The following STK32B variants were observed in gnomAD, a reference collection of about 807,000 sequenced individuals.
STK32B encodes the protein serine/threonine-protein kinase 32B.
In STK32B, 43 loss-of-function variants were observed where a neutral mutation model predicts 52.6. The observed-to-expected ratio is 0.82, with a 90% CI of 0.64 to 1.05. STK32B has a LOEUF of 1.05. Among genes scored for constraint, STK32B ranks in the 50% least tolerant of loss-of-function variants. STK32B has a pLI of 0.00. For missense variants in STK32B, 621 were observed against 534.6 expected (o/e 1.16, Z -1.59); for synonymous variants, 238 against 204.3 (o/e 1.17, Z -1.41).
intron 5 of STK32B, among the ~76,000 whole-genome samples, chr4:5,403,344 G>A (rs1051192027): frequency 1.3e-5 from 2 of 152,116 alleles, no homozygotes; most frequent in African/African-American, 4.8e-5. Context: ...AAATTACTCA[G>A]ACCAGTCAAT....
chr4:5,350,174 C>A (rs367853946), intron 4 of STK32B, among the ~76,000 whole-genome samples: 49 of 151,804 alleles, frequency 3.2e-4, no homozygotes, highest in African/African-American at 1.1e-3. Flanking sequence ...ACATTCTAGT[C>A]AAAATGTCAA....
chr4:5,151,053 A>T (rs1473839394), intron 2 of STK32B, among the ~76,000 whole-genome samples: 1 of 152,164 alleles, frequency 6.6e-6, no homozygotes, highest in Non-Finnish European at 1.5e-5. Context: ...TTTCAAATTG[A>T]CTATAGCCTG....
chr4:5,034,763 G>T, the STK32B span, among the ~76,000 whole-genome samples: 3 of 152,146 alleles, frequency 2.0e-5, no homozygotes, highest in African/African-American at 7.2e-5. Flanking sequence ...AAATCAATCA[G>T]GTAGGCTGGA....
intron 6 of STK32B, 24 bp downstream of exon 6, chr4:5,416,958 T>G: frequency 6.3e-7 from 1 of 1,598,402 alleles, no homozygotes; most frequent in Non-Finnish European, 8.5e-7. Flanking sequence ...GCCCCTTCTT[T>G]TCATGTGATC....
chr4:5,051,522 G>A lies in STK32B; in HGVS notation c.-342G>A. 3.1e-6 allele frequency: 1 copy of A among 324,274 alleles called. No individual in the cohort carries two copies. The highest frequency in any genetic ancestry group is 5.3e-5 in the Admixed American group (1 of 18,976). 20.1% of individuals were successfully genotyped at this position (324,274 alleles called of 1,614,324 possible). A position where few individuals can be genotyped will look rare whatever the true frequency, so the allele number is the denominator to read the frequency against. ...GCTCCCGCGCCGCCTCGCGTCTCCC[G>A]CCCGCTGTAGCCGGCGAGGAGCGCC... On this transcript the variant is annotated 5_prime_UTR_variant, in exon 1 of 12. Coordinates refer to ENST00000282908, the MANE Select transcript of STK32B (RefSeq NM_018401.3).
At chr4:5,053,848 G>A (rs1286260403) in intron 1 of STK32B, among the ~76,000 whole-genome samples, 5 of 151,952 alleles carry the variant, frequency 3.3e-5, no homozygotes, top group African/African-American at 9.7e-5. Context: ...GCATGTTGGC[G>A]GGAACCTGTA....
intron 5 of STK32B, among the ~76,000 whole-genome samples, chr4:5,413,745 T>C (rs561814535): frequency 6.6e-6 from 1 of 152,318 alleles, no homozygotes; most frequent in Admixed American, 6.5e-5. Flanking sequence ...CAGTGAAAAC[T>C]GACCAAGGGT....
At chr4:5,323,851 C>T (rs1731691389) in intron 3 of STK32B, among the ~76,000 whole-genome samples, 1 of 152,128 alleles carries the variant, frequency 6.6e-6, no homozygotes, top group South Asian at 2.1e-4. Flanking sequence ...GTGACTTGGC[C>T]ACAAGGAAAG....
At chr4:5,270,688 A>G (rs28836919) in intron 3 of STK32B, among the ~76,000 whole-genome samples, 30,973 of 152,148 alleles carry the variant, frequency 0.2, 6,612 homozygotes, top group African/African-American at 0.54. Context: ...CATTGTACTG[A>G]AGGGCATAGC....
At chr4:5,084,594 C>T (rs1399087158) in intron 1 of STK32B, among the ~76,000 whole-genome samples, 2 of 152,104 alleles carry the variant, frequency 1.3e-5, no homozygotes, top group Admixed American at 1.3e-4. Context: ...GAAACTGGCT[C>T]TGAATGCAAG....
intron 6 of STK32B, among the ~76,000 whole-genome samples, chr4:5,438,829 A>T (rs908863475): frequency 2.0e-5 from 3 of 151,876 alleles, no homozygotes; most frequent in African/African-American, 7.3e-5. Context: ...TTCAATTCCC[A>T]CCTATGAGTG....
At chr4:5,239,662 A>G (rs1008673725) in intron 3 of STK32B, among the ~76,000 whole-genome samples, 22 of 152,176 alleles carry the variant, frequency 1.4e-4, no homozygotes, top group African/African-American at 4.8e-4. Flanking sequence ...GTCCAGAGGC[A>G]TGAGAGGGGT....
intron 1 of STK32B, among the ~76,000 whole-genome samples, chr4:5,053,485 A>G (rs1210103220): frequency 1.3e-5 from 2 of 152,152 alleles, no homozygotes; most frequent in Non-Finnish European, 2.9e-5. Context: ...TAATTTTCCT[A>G]GCATCTTTCT....
intron 3 of STK32B, among the ~76,000 whole-genome samples, chr4:5,208,556 C>T (rs989707): frequency 0.47 from 71,222 of 151,996 alleles, 16,911 homozygotes; most frequent in Non-Finnish European, 0.5. Flanking sequence ...AACTAAATGA[C>T]TTTATTAACA....
At chr4:5,337,475 G>A (rs1458612751) in intron 4 of STK32B, among the ~76,000 whole-genome samples, 1 of 152,122 alleles carries the variant, frequency 6.6e-6, no homozygotes, top group Non-Finnish European at 1.5e-5. Context: ...GAAATGGAAT[G>A]CAGAAAGCTG....
chr4:5,430,173 T>A (rs1221650300), intron 6 of STK32B, among the ~76,000 whole-genome samples: 2 of 152,152 alleles, frequency 1.3e-5, no homozygotes, highest in South Asian at 2.1e-4. Flanking sequence ...ATATATATAT[T>A]TTTGACCCAT....
At chr4:5,423,170 A>T (rs973742464) in intron 6 of STK32B, among the ~76,000 whole-genome samples, 3 of 152,102 alleles carry the variant, frequency 2.0e-5, no homozygotes, top group Non-Finnish European at 4.4e-5. Context: ...GTGACCTTGG[A>T]GAAACCGATG....
chr4:5,365,684 G>A (rs1465075172), intron 4 of STK32B, among the ~76,000 whole-genome samples: 1 of 152,164 alleles, frequency 6.6e-6, no homozygotes, highest in Non-Finnish European at 1.5e-5. Flanking sequence ...GAAGCAGGTG[G>A]CATTCTCAAC....
At chr4:5,131,867 C>T (rs2108822110) in intron 1 of STK32B, among the ~76,000 whole-genome samples, 2 of 152,332 alleles carry the variant, frequency 1.3e-5, no homozygotes, top group Admixed American at 1.3e-4. Context: ...ATAACTGCTC[C>T]TCAAATATAA....
Sources: allele counts gnomAD v4.1 joint callset (sites outside exome capture counted in the v4.1 genomes callset), GRCh38; gene constraint gnomAD v4.1.1; transcripts MANE v1.5; gene names NCBI Gene and HGNC (gene_info 2026-07-23, HGNC 2026-07-21).